Variants in CUL9 observed in about 807,000 individuals in gnomAD.
The protein encoded by CUL9 is cullin 9.
Under a neutral mutation model 272.6 loss-of-function variants are expected in CUL9, and 79 were observed. The ratio of observed to expected loss-of-function variants is 0.29; its 90% CI spans 0.24 to 0.35. The LOEUF is 0.35. Among genes scored for constraint, CUL9 ranks in the 10% least tolerant of loss-of-function variants. The pLI, the probability that CUL9 is intolerant of heterozygous loss-of-function variation, is 1.00. For missense variants in CUL9, 2,532 were observed against 3,255.6 expected (o/e 0.78, Z 5.41); for synonymous variants, 1,186 against 1,286.5 (o/e 0.92, Z 1.67).
chr6:43,222,089 TCTG>T (rs1776414687), intron 35 of CUL9: 1 of 601,802 alleles, frequency 1.7e-6, no homozygotes, highest in Non-Finnish European at 3.0e-6. Flanking sequence ...AGAGCCTGGC[TCTG>T]CTGCTTAGCA....
At position 43,224,536 on chromosome 6, in the gene CUL9, A is replaced by G. The variant is rs1776644020; in HGVS notation, c.*91A>G. On this transcript the variant is annotated 3_prime_UTR_variant, in exon 41 of 41. Transcript: ENST00000252050. This position sits in a 1 kb window ranked among gnomAD's most constrained non-coding sequence, Gnocchi z 4.2. ...CCCTGTCATAGGGAGGGGGATTCCC[A>G]GCGTCTGTAGTGCTTCCTGTTTGCT... 1 of 1,193,100 alleles carries G rather than the reference A, an allele frequency of 8.4e-7. No homozygotes were observed. The allele number at this position is 1,193,100 out of a possible 1,614,324, so 73.9% of individuals were successfully genotyped here.
intron 23 of CUL9, 34 bp downstream of exon 23, chr6:43,205,149 C>A: frequency 6.4e-7 from 1 of 1,574,152 alleles, no homozygotes; most frequent in Admixed American, 1.7e-5. Context: ...GGGCTATAAG[C>A]TTGTGTTCCA....
chr6:43,188,566 G>T lies in CUL9; in HGVS notation c.2031G>T (p.Leu677=). ...ALRGPGPRSS[L]DQHVAAVVAT... is the part of the protein sequence containing the mutation. ...GGGGTCCCGGTCCTCGCAGCTCCCT[G>T]GATCAGCATGTGGCAGCGGTCGTGG... The change falls in exon 8 of 41, where the codon CTG becomes CTT. Residue 677 remains leucine, a synonymous_variant. Coordinates refer to ENST00000252050, the MANE Select transcript of CUL9 (RefSeq NM_015089.4). The T allele has an allele frequency of 6.2e-7, 1 of 1,613,982 alleles. No individual in the cohort carries two copies. Among genetic ancestry groups the T allele is most frequent in the South Asian group, 1.1e-5 (1 of 91,056 alleles).
Position 43,198,778 on chromosome 6 carries a change from G to T in CUL9, c.2973G>T (p.Glu991Asp). ...CCCTCCTCAAGCGCCTCCAGCAGGA[G>T]ACCCAGCCTTTCCTCCTGTTGCTGC... is the stretch of plus-strand genomic sequence containing the variant. ...VRPLLKRLQQ[E>D]TQPFLLLLRT... The change falls in exon 12 of 41, where the codon GAG becomes GAT. Residue 991 changes from glutamate to aspartate, a missense_variant. Transcript: ENST00000252050. 6.2e-7 allele frequency: 1 copy of T among 1,614,020 alleles called. No homozygotes were observed. Among genetic ancestry groups the T allele is most frequent in the Non-Finnish European group, 8.5e-7 (1 of 1,180,032 alleles).
rs1475489996 is a variant in CUL9 at position 43,196,145 on chromosome 6, T to G, written c.2465T>G (p.Leu822Trp). 6.2e-7 allele frequency: 1 copy of G among 1,614,184 alleles called. No homozygotes were observed. The highest frequency in any genetic ancestry group is 1.7e-5 in the Admixed American group (1 of 60,024). ...ACTGGCCGAGATTCTATCCACTCTT[T>G]GTTTGATGCTCAGATGACCAGAGAG... ...FVTGRDSIHS[L>W]FDAQMTREIF... Residue 822 changes from leucine to tryptophan, a missense_variant, in exon 10 of 41, where the codon TTG becomes TGG. Physicochemically the swap from Leu to Trp is moderately conservative, Grantham distance 61. Around this residue, in one of 3 missense-constraint regions of CUL9, gnomAD observed 2,218 missense variants for 2,788.6 expected, o/e 0.80. Transcript: ENST00000252050.
intron 29 of CUL9, among the ~76,000 whole-genome samples, chr6:43,214,694 G>C (rs940894523): frequency 6.6e-6 from 1 of 151,920 alleles, no homozygotes; most frequent in Non-Finnish European, 1.5e-5. Context: ...CCAGTTACTT[G>C]GGAGGCTGAG....
chr6:43,207,234 C>T (rs969313058), intron 26 of CUL9, among the ~76,000 whole-genome samples: 5 of 152,188 alleles, frequency 3.3e-5, no homozygotes, highest in Non-Finnish European at 7.4e-5. Flanking sequence ...CCCTCATACC[C>T]CCATCAAGAT....
rs1276323620 is a variant in CUL9 at position 43,188,078 on chromosome 6, G to A, written c.1947G>A (p.Glu649=). The change falls in exon 7 of 41, where the codon GAG becomes GAA. Residue 649 remains glutamate, a synonymous_variant. Coordinates refer to ENST00000252050, the MANE Select transcript of CUL9 (RefSeq NM_015089.4). ...TGTTTAACCAGCTTCTGGTGACTGA[G>A]GGGATGACCCTGCCCACTGAGATGA... is the stretch of plus-strand genomic sequence containing the variant. The part of the protein sequence containing the change: ...SQLFNQLLVT[E]GMTLPTEMKE... 2 of 1,613,812 alleles carry A rather than the reference G, an allele frequency of 1.2e-6. No individual in the cohort carries two copies. Among genetic ancestry groups the A allele is most frequent in the Admixed American group, 1.7e-5 (1 of 59,994 alleles).
chr6:43,221,293 C>T lies in CUL9; in HGVS notation c.6724C>T (p.Pro2242Ser), dbSNP rs1303351608. 8 of 1,608,252 alleles carry T rather than the reference C, an allele frequency of 5.0e-6. No individual in the cohort carries two copies. In the Admixed American group the frequency reaches 1.3e-4, roughly 27 times the overall value. ...ISKRCPSCQA[P>S]IEKNEGCLHM... Reference sequence around the variant, plus strand: ...CAAGCGCTGTCCCAGCTGTCAGGCTCCCATCGAGAAGAACGAGGGGTGCCT... The same window carrying T: ...CAAGCGCTGTCCCAGCTGTCAGGCTTCCATCGAGAAGAACGAGGGGTGCCT... The change falls in exon 34 of 41, where the codon CCC becomes TCC. Residue 2242 changes from proline (P) to serine (S), a missense_variant. Physicochemically the swap from Pro to Ser is moderately conservative, Grantham distance 74. Around this residue, in one of 3 missense-constraint regions of CUL9, gnomAD observed 77 missense variants for 161.1 expected, o/e 0.48. Coordinates refer to ENST00000252050, the MANE Select transcript of CUL9 (RefSeq NM_015089.4). This position sits in a 1 kb window ranked among gnomAD's most constrained non-coding sequence, Gnocchi z 4.2.
chr6:43,198,226 G>A (rs943240070), intron 11 of CUL9: 13 of 984,144 alleles, frequency 1.3e-5, no homozygotes, highest in African/African-American at 7.0e-5. Flanking sequence ...GGGTGACAGC[G>A]CTCTGTGTAT....
chr6:43,210,353 G>C (rs1350509952), intron 26 of CUL9, among the ~76,000 whole-genome samples: 2 of 152,160 alleles, frequency 1.3e-5, no homozygotes, highest in African/African-American at 4.8e-5. Context: ...GCATTCCCAG[G>C]CAAAATACTA....
chr6:43,186,549 A>G lies in CUL9; in HGVS notation c.1251+94A>G, dbSNP rs563878655. The G allele has an allele frequency of 6.6e-5, 98 of 1,482,412 alleles. 1 individual carries two copies. In the Admixed American group the frequency reaches 2.2e-3, roughly 33 times the overall value. 91.8% of individuals were successfully genotyped at this position (1,482,412 alleles called of 1,614,324 possible). A position where few individuals can be genotyped will look rare whatever the true frequency, so the allele number is the denominator to read the frequency against. On this transcript the variant is annotated intron_variant, in intron 4 of 40. Transcript: ENST00000252050. The stretch of plus-strand genomic sequence containing the variant: ...AAGGAGGACTCCTGCAGGCCACCCA[A>G]GAAGAACCCCCCTGGGGAATTGGAA...
chr6:43,191,508 T>C (rs1773503414), intron 8 of CUL9, among the ~76,000 whole-genome samples: 1 of 144,590 alleles, frequency 6.9e-6, no homozygotes, highest in South Asian at 2.2e-4. Flanking sequence ...TTTTTTTTAC[T>C]TTTTGTAGAG....
chr6:43,211,382 AC>A (rs915156244), intron 26 of CUL9, among the ~76,000 whole-genome samples: 2 of 152,022 alleles, frequency 1.3e-5, no homozygotes, highest in African/African-American at 4.8e-5. Flanking sequence ...AGATGGCGAA[AC>A]CCTGTCTCTA....
chr6:43,205,566 C>A (rs1383203664), intron 24 of CUL9, 143 bp downstream of exon 24: 1 of 941,040 alleles, frequency 1.1e-6, no homozygotes, highest in East Asian at 2.5e-5. Context: ...CGCGGTGGCT[C>A]ACGCATGTAA....
In CUL9 at chr6:43,198,693, T is replaced by C; in HGVS notation, c.2888T>C (p.Leu963Pro). 6 of 1,614,212 alleles carry C rather than the reference T, an allele frequency of 3.7e-6. No homozygotes were observed. Among genetic ancestry groups the C allele is most frequent in the Non-Finnish European group, 5.1e-6 (6 of 1,180,024 alleles). Reference protein sequence around the residue: ...RSLVGGPSAELLLDLERVLCR... With the variant: ...RSLVGGPSAEPLLDLERVLCR... Reference sequence around the variant, plus strand: ...CTGGTTGGGGGCCCATCTGCAGAACTACTCCTGGACTTGGAGCGTGTGCTG... The same window carrying C: ...CTGGTTGGGGGCCCATCTGCAGAACCACTCCTGGACTTGGAGCGTGTGCTG... The change falls in exon 12 of 41, where the codon CTA becomes CCA. Residue 963 changes from leucine to proline, a missense_variant. Transcript: ENST00000252050.
In CUL9 at chr6:43,185,994, C is replaced by T. The variant is rs1772875924; in HGVS notation, c.790C>T (p.Leu264Phe). The change falls in exon 4 of 41, where the codon CTT (leucine) becomes TTT (phenylalanine). Residue 264 changes from leucine to phenylalanine, a missense_variant. Leu to Phe is a conservative substitution (Grantham distance 22, BLOSUM62 0). This residue lies in a region of CUL9 where 2,218 missense variants were observed against 2,788.6 expected (regional missense o/e 0.80). Coordinates refer to ENST00000252050, the MANE Select transcript of CUL9 (RefSeq NM_015089.4). ...KLLFSLVKRY[L>F]CVTSLLDQLN... ...GCTTTTCTCCTTGGTGAAGCGCTACCTTTGTGTCACGTCCCTCCTGGATCA... is the reference window on the plus strand; with the variant it reads ...GCTTTTCTCCTTGGTGAAGCGCTACTTTTGTGTCACGTCCCTCCTGGATCA... 1 of 1,613,466 alleles carries T rather than the reference C, an allele frequency of 6.2e-7. No individual in the cohort carries two copies. Among genetic ancestry groups the T allele is most frequent in the South Asian group, 1.1e-5 (1 of 91,060 alleles).
At chr6:43,217,715 A>G (rs1389527666) in intron 31 of CUL9, among the ~76,000 whole-genome samples, 4 of 152,100 alleles carry the variant, frequency 2.6e-5, no homozygotes, top group Non-Finnish European at 1.5e-5. Flanking sequence ...ATAGTTGCTT[A>G]TGCTCCCTTT....
rs1274437515 is a variant in CUL9 at position 43,187,746 on chromosome 6, G to A, written c.1615G>A (p.Val539Met). 1 of 1,613,116 alleles carries A rather than the reference G, an allele frequency of 6.2e-7. No homozygotes were observed. Among genetic ancestry groups the A allele is most frequent in the Non-Finnish European group, 8.5e-7 (1 of 1,179,978 alleles). ...LGEKALGEIS[V>M]SVEMAESLLQ... Reference sequence around the variant, plus strand: ...TGAAAAGGCCCTAGGTGAGATCTCTGTGTCCGTGGAAATGGCCGAGAGTCT... The same window carrying A: ...TGAAAAGGCCCTAGGTGAGATCTCTATGTCCGTGGAAATGGCCGAGAGTCT... Residue 539 changes from valine (V) to methionine (M), a missense_variant, in exon 7 of 41, where the codon GTG (valine) becomes ATG (methionine). Coordinates refer to ENST00000252050, the MANE Select transcript of CUL9 (RefSeq NM_015089.4).
Sources: gnomAD v4.1 joint callset for allele counts (sites outside exome capture counted in the v4.1 genomes callset) on GRCh38, gnomAD v4.1.1 for gene constraint, gnomAD v4.1.1 regional missense constraint, Gnocchi (gnomAD v3.1) non-coding constraint, MANE v1.5 for transcripts, NCBI Gene and HGNC (gene_info 2026-07-23, HGNC 2026-07-21) for gene names.